The following ADGRF5 variants were observed in gnomAD, a reference collection of about 807,000 sequenced individuals.
ADGRF5 encodes adhesion G protein-coupled receptor F5, also known as G-protein coupled receptor 116.
A neutral mutation model predicts 132.3 loss-of-function variants in ADGRF5; 75 were observed. That is an observed-to-expected ratio of 0.57 (90% CI 0.47 to 0.69). The LOEUF is 0.69. Among genes scored for constraint, ADGRF5 ranks in the 30% least tolerant of loss-of-function variants. ADGRF5 has a pLI of 0.00. For missense variants in ADGRF5, 1,516 were observed against 1,630.6 expected, an observed-to-expected ratio of 0.93 and a Z score of 1.21; for synonymous variants, 629 against 597.6, an observed-to-expected ratio of 1.05 and a Z score of -0.77.
rs1236871222 is a variant in ADGRF5 at position 46,858,603 on chromosome 6, G to T, written c.3300C>A (p.Val1100=). Residue 1100 remains valine (V), a synonymous_variant, in exon 17 of 21, where the codon GTC becomes GTA. Transcript: ENST00000283296. ...GGCCCAGTGTCAGCATCCAGAAGAAGACGCTGAGGTAGAAGAAGTGGATGA... is the reference window on the plus strand; with the variant it reads ...GGCCCAGTGTCAGCATCCAGAAGAATACGCTGAGGTAGAAGAAGTGGATGA... The part of the protein sequence containing the change: ...TFFIHFFYLS[V]FFWMLTLGLM... 6.2e-7 allele frequency: 1 copy of T among 1,614,146 alleles called. No individual in the cohort carries two copies. Among genetic ancestry groups the T allele is most frequent in the Non-Finnish European group, 8.5e-7 (1 of 1,180,020 alleles).
rs76658105 is a variant in ADGRF5, at chr6:46,879,848, T to A, written c.1006A>T (p.Thr336Ser). 6.2e-7 allele frequency: 1 copy of A among 1,613,670 alleles called. No individual in the cohort carries two copies. Among genetic ancestry groups the A allele is most frequent in the Admixed American group, 1.7e-5 (1 of 60,016 alleles). Residue 336 changes from threonine (T) to serine (S), a missense_variant, in exon 9 of 21, where the codon ACC (threonine) becomes TCC (serine). By Grantham distance (58) the Thr-to-Ser change is moderately conservative. Transcript: ENST00000283296. The part of the protein sequence containing the change: ...FNNMTSVSKL[T>S]IHNITPGDAG... ...TCACCTGGAGTGATGTTGTGGATGG[T>A]GAGCTTGGACACCGAAGTCATGTTG...
At chr6:46,884,581 C>T (rs1291335374) in intron 4 of ADGRF5, among the ~76,000 whole-genome samples, 1 of 152,174 alleles carries the variant, frequency 6.6e-6, no homozygotes, top group East Asian at 1.9e-4. Flanking sequence ...AGGTAGCTAG[C>T]CTCCAAGATG....
At chr6:46,855,173 T>C (rs1204678691) in intron 20 of ADGRF5, among the ~76,000 whole-genome samples, 6 of 152,326 alleles carry the variant, frequency 3.9e-5, no homozygotes, top group Middle Eastern at 3.4e-3. Flanking sequence ...AATGTAGAAA[T>C]TTAACTGTGA....
At chr6:46,876,016 A>T (rs1771610971) in intron 10 of ADGRF5, among the ~76,000 whole-genome samples, 1 of 152,224 alleles carries the variant, frequency 6.6e-6, no homozygotes, top group Non-Finnish European at 1.5e-5. Flanking sequence ...TGAATATGCG[A>T]CCATTTATGA....
At position 46,907,521 on chromosome 6, in the gene ADGRF5, T is replaced by A. The variant is rs183834544; in HGVS notation, c.-24-735A>T. Reference sequence around the variant, plus strand: ...TGCCTGGCCTTATGTGTTGATTTTTTAAAATTCATTTTATAATGCTGATGA... The same window carrying A: ...TGCCTGGCCTTATGTGTTGATTTTTAAAAATTCATTTTATAATGCTGATGA... On this transcript the variant is annotated intron_variant, in intron 1 of 20. Coordinates refer to ENST00000283296, the MANE Select transcript of ADGRF5 (RefSeq NM_001098518.2). Among the ~76,000 whole-genome samples, 28 of 152,264 alleles carry A rather than the reference T, an allele frequency of 1.8e-4. No homozygotes were observed. In the East Asian group the frequency reaches 4.6e-3, roughly 25 times the overall value.
intron 1 of ADGRF5, among the ~76,000 whole-genome samples, chr6:46,931,741 A>G (rs568504128): frequency 2.0e-5 from 3 of 152,332 alleles, no homozygotes; most frequent in Non-Finnish European, 2.9e-5. Flanking sequence ...TTTTGGGCAT[A>G]TGAAGACTGA....
At chr6:46,854,727 G>C (rs769267972) in intron 20 of ADGRF5, 8 of 1,286,402 alleles carry the variant, frequency 6.2e-6, no homozygotes, top group Non-Finnish European at 8.1e-6. Context: ...TCAGATTGCT[G>C]AACTGCCACC....
At chr6:46,875,510 T>A (rs1771555395) in intron 10 of ADGRF5, among the ~76,000 whole-genome samples, 2 of 151,922 alleles carry the variant, frequency 1.3e-5, no homozygotes, top group Admixed American at 6.6e-5. Flanking sequence ...TGAGGCCAGG[T>A]GTAGTGGCTC....
At chr6:46,951,664 T>C (rs1447225531) in intron 1 of ADGRF5, among the ~76,000 whole-genome samples, 1 of 152,220 alleles carries the variant, frequency 6.6e-6, no homozygotes, top group Non-Finnish European at 1.5e-5. Context: ...TACTTCCTCC[T>C]CTTTTCCTGG....
intron 2 of ADGRF5, among the ~76,000 whole-genome samples, chr6:46,904,806 A>AG (rs1487557714): frequency 6.6e-6 from 1 of 152,200 alleles, no homozygotes; most frequent in Non-Finnish European, 1.5e-5. Context: ...GTGGCAGCTT[A>AG]GGGCAGTATA....
chr6:46,922,595 A>G (rs1777031958), upstream of ADGRF5, among the ~76,000 whole-genome samples: 1 of 152,220 alleles, frequency 6.6e-6, no homozygotes, highest in Non-Finnish European at 1.5e-5. Context: ...TCATTTTTGA[A>G]CTGGAAGTGA....
At chr6:46,908,435 T>A (rs1284921648) in intron 1 of ADGRF5, among the ~76,000 whole-genome samples, 1 of 152,068 alleles carries the variant, frequency 6.6e-6, no homozygotes, top group Non-Finnish European at 1.5e-5. Context: ...AGGCAGTTAA[T>A]CAAGGAGACG....
intron 1 of ADGRF5, among the ~76,000 whole-genome samples, chr6:46,946,501 A>C (rs531783507): frequency 6.6e-6 from 1 of 152,184 alleles, no homozygotes; most frequent in Non-Finnish European, 1.5e-5. Context: ...ATGGAAGTGC[A>C]GCTGAGGAAA....
intron 14 of ADGRF5, chr6:46,863,354 A>T: frequency 1.8e-6 from 1 of 552,612 alleles, no homozygotes. Context: ...GGAGATTCTC[A>T]ACTGTGACAT....
intron 1 of ADGRF5, among the ~76,000 whole-genome samples, chr6:46,935,059 A>T (rs1406827966): frequency 7.6e-6 from 1 of 130,896 alleles, no homozygotes; most frequent in Non-Finnish European, 1.5e-5. Context: ...GCTGGAATGC[A>T]GTAGTGTGAT....
At chr6:46,889,873 T>C (rs1773471868) in intron 3 of ADGRF5, among the ~76,000 whole-genome samples, 1 of 151,766 alleles carries the variant, frequency 6.6e-6, no homozygotes, top group Middle Eastern at 3.4e-3. Context: ...GTTTCTTTCA[T>C]GTTTCTTTCA....
intron 12 of ADGRF5, among the ~76,000 whole-genome samples, chr6:46,867,999 A>G (rs1770635770): frequency 6.6e-6 from 1 of 152,224 alleles, no homozygotes; most frequent in Non-Finnish European, 1.5e-5. Context: ...GAAGAAAAAT[A>G]CTTCCATTTC....
chr6:46,869,944 T>A (rs888785765), intron 11 of ADGRF5, among the ~76,000 whole-genome samples: 26 of 152,036 alleles, frequency 1.7e-4, no homozygotes, highest in African/African-American at 6.3e-4. Flanking sequence ...AAAATATTAA[T>A]AAGACTATTA....
At chr6:46,914,583 C>T (rs1176367171) in intron 1 of ADGRF5, among the ~76,000 whole-genome samples, 1 of 152,152 alleles carries the variant, frequency 6.6e-6, no homozygotes, top group Non-Finnish European at 1.5e-5. Context: ...TTTTCCAAAA[C>T]ACACTGCACA....
Sources: allele counts gnomAD v4.1 joint callset (sites outside exome capture counted in the v4.1 genomes callset), GRCh38; gene constraint gnomAD v4.1.1; transcripts MANE v1.5; gene names NCBI Gene and HGNC (gene_info 2026-07-23, HGNC 2026-07-21).